Variants in MTRF1 observed in about 807,000 individuals in gnomAD.
The protein encoded by MTRF1 is peptide chain release factor 1, mitochondrial.
In MTRF1, 51 loss-of-function variants were observed where a neutral mutation model predicts 62.9. The ratio of observed to expected loss-of-function variants is 0.81; its 90% CI spans 0.65 to 1.02. The LOEUF (loss-of-function observed/expected upper bound fraction) is 1.02. Ranked by LOEUF, MTRF1 falls within the 50% of genes least tolerant of loss-of-function variation. The pLI is 0.00. For missense variants in MTRF1, 446 were observed against 530.0 expected (o/e 0.84, Z 1.56); for synonymous variants, 158 against 181.9 (o/e 0.87, Z 1.06).
chr13:41,223,492 G>C (rs375197404), intron 8 of MTRF1, 138 bp from the exon 9 acceptor site: 17 of 653,844 alleles, frequency 2.6e-5, no homozygotes, highest in East Asian at 5.4e-5. Flanking sequence ...CAAAGAAAAA[G>C]AATGGGCAGA....
rs774905175 is a variant in MTRF1, at chr13:41,217,223, A to C, written c.1230T>G (p.Phe410Leu). 6.3e-7 allele frequency: 1 copy of C among 1,593,788 alleles called. No individual in the cohort carries two copies. The highest frequency in any genetic ancestry group is 1.7e-5 in the Admixed American group (1 of 58,858). The stretch of plus-strand genomic sequence containing the variant: ...GATCCAGGCCCTTCCCACCACATAA[A>C]AATTCCTGGTAAAAGAGAGAGCTAT... Reference protein sequence around the residue: ...IAYEVRDIKEFLCGGKGLDQL... With the variant: ...IAYEVRDIKELLCGGKGLDQL... Residue 410 changes from phenylalanine to leucine, a missense_variant, in exon 10 of 10, where the codon TTT becomes TTG. Physicochemically the swap from Phe to Leu is conservative, Grantham distance 22. Coordinates refer to ENST00000379480, the MANE Select transcript of MTRF1 (RefSeq NM_004294.4).
intron 1 of MTRF1, chr13:41,262,354 A>AC (rs952151697): frequency 6.6e-6 from 1 of 150,626 alleles, no homozygotes; most frequent in Non-Finnish European, 1.5e-5. Context: ...AAAAAAAAAA[A>AC]AAAGAAACAT....
intron 1 of MTRF1, chr13:41,262,359 A>AAG (rs1566192415): frequency 7.6e-6 from 1 of 132,086 alleles, no homozygotes. Context: ...AAAAAAAAAG[A>AAG]AACATACCAA....
chr13:41,228,813 C>T (rs1437462671), intron 7 of MTRF1, among the ~76,000 whole-genome samples: 2 of 152,046 alleles, frequency 1.3e-5, no homozygotes, highest in African/African-American at 2.4e-5. Flanking sequence ...AAAAAAAATA[C>T]GATTCTTCCA....
rs199717534 is a variant in MTRF1, at chr13:41,218,281, A to AT, written c.1225-1054dup. Among the ~76,000 whole-genome samples, 888 of 117,576 alleles carry AT rather than the reference A, an allele frequency of 7.6e-3. 31 individuals are homozygous for AT. The highest frequency in any genetic ancestry group is 0.026 in the Admixed American group (307 of 11,784). The allele number at this position is 117,576 out of a possible 152,430, so 77.1% of individuals were successfully genotyped here. A position where few individuals can be genotyped will look rare whatever the true frequency, so the allele number is the denominator to read the frequency against. On this transcript the variant is annotated intron_variant, in intron 9 of 9. Transcript: ENST00000379480. ...CAGGCACATGCTACACACCCAGCTA[A>AT]TTTTTTTTTTTTTTTTTTTTTTTTT...
rs2040339480 is a variant in MTRF1, at chr13:41,260,598, T to G, written c.310A>C (p.Arg104=). The part of the protein sequence containing the change: ...QHIPVNEENR[R]SLNRRHAELA... ...TCAGCATGCCTTCTGTTCAAGGACCTTCGGTTTTCCTCATTCACAGGGATA... is the reference window on the plus strand; with the variant it reads ...TCAGCATGCCTTCTGTTCAAGGACCGTCGGTTTTCCTCATTCACAGGGATA... The change falls in exon 2 of 10, where the codon AGG becomes CGG. Residue 104 remains arginine (R), a synonymous_variant. Coordinates refer to ENST00000379480, the MANE Select transcript of MTRF1 (RefSeq NM_004294.4). 8.7e-6 allele frequency: 14 copies of G among 1,614,156 alleles called. No individual in the cohort carries two copies. Among genetic ancestry groups the G allele is most frequent in the Non-Finnish European group, 1.2e-5 (14 of 1,179,992 alleles).
chr13:41,226,684 TTTTAGG>T (rs2138734022), intron 7 of MTRF1, 116 bp from the exon 8 acceptor site: 2 of 1,242,792 alleles, frequency 1.6e-6, no homozygotes, highest in East Asian at 4.7e-5. Flanking sequence ...GATACAAACA[TTTTAGG>T]TTTAGCACAC....
At chr13:41,290,687 T>G in the MTRF1 span, among the ~76,000 whole-genome samples, 1 of 151,376 alleles carries the variant, frequency 6.6e-6, no homozygotes, top group Non-Finnish European at 1.5e-5. Flanking sequence ...GCCACTGTGC[T>G]TGGCCTGTAA....
chr13:41,252,091 G>A (rs1487266026), intron 5 of MTRF1, among the ~76,000 whole-genome samples: 1 of 152,124 alleles, frequency 6.6e-6, no homozygotes, highest in Non-Finnish European at 1.5e-5. Context: ...TGTTGGCCAG[G>A]CTGGTCTCAA....
chr13:41,265,426 A>T (rs1195936784), upstream of MTRF1, among the ~76,000 whole-genome samples: 1 of 152,160 alleles, frequency 6.6e-6, no homozygotes, highest in Non-Finnish European at 1.5e-5. Flanking sequence ...CGTCTCAAAA[A>T]AAAAAAAAAG....
At chr13:41,232,444 A>G (rs1003312965) in intron 7 of MTRF1, among the ~76,000 whole-genome samples, 3 of 152,220 alleles carry the variant, frequency 2.0e-5, no homozygotes, top group Non-Finnish European at 4.4e-5. Context: ...TGAAGAAAGT[A>G]TTTCAGAGCT....
chr13:41,259,196 A>G (rs1301804734), intron 2 of MTRF1, among the ~76,000 whole-genome samples: 8 of 152,200 alleles, frequency 5.3e-5, no homozygotes, highest in Admixed American at 5.2e-4. Context: ...TCACTTTGGA[A>G]AACAGTCTAG....
intron 5 of MTRF1, among the ~76,000 whole-genome samples, chr13:41,249,187 G>T (rs1441592851): frequency 2.0e-5 from 3 of 152,004 alleles, no homozygotes; most frequent in Non-Finnish European, 2.9e-5. Flanking sequence ...TATAAGGTAG[G>T]TGCTTTTTGC....
chr13:41,274,781 A>T, the MTRF1 span, among the ~76,000 whole-genome samples: 1 of 151,954 alleles, frequency 6.6e-6, no homozygotes, highest in Non-Finnish European at 1.5e-5. Context: ...GATTACAGGC[A>T]CGCTCCACCA....
the MTRF1 span, chr13:41,311,549 G>A: frequency 6.2e-7 from 1 of 1,607,996 alleles, no homozygotes; most frequent in Admixed American, 1.7e-5. Context: ...TGCTGCTGCC[G>A]CCCAAGGAGA....
At chr13:41,298,035 T>C in the MTRF1 span, among the ~76,000 whole-genome samples, 1 of 152,226 alleles carries the variant, frequency 6.6e-6, no homozygotes, top group Admixed American at 6.5e-5. Context: ...CCCTTTTTTT[T>C]TGAGAGAAGG....
the MTRF1 span, among the ~76,000 whole-genome samples, chr13:41,268,666 G>T: frequency 6.6e-6 from 1 of 152,146 alleles, no homozygotes. Context: ...AGCTGAAAAT[G>T]AATTGAAGAA....
intron 1 of MTRF1, chr13:41,261,613 T>C (rs2040464780): frequency 5.4e-6 from 1 of 186,354 alleles, no homozygotes; most frequent in East Asian, 1.9e-4. Context: ...AGTCATTTTC[T>C]AAAGTTTGAA....
At chr13:41,300,992 T>G in the MTRF1 span, among the ~76,000 whole-genome samples, 64 of 152,238 alleles carry the variant, frequency 4.2e-4, no homozygotes, top group Admixed American at 3.2e-3. Flanking sequence ...TCTGAGCTAT[T>G]TCTCTTTTTC....
Sources: allele counts gnomAD v4.1 joint callset (sites outside exome capture counted in the v4.1 genomes callset), GRCh38; gene constraint gnomAD v4.1.1; transcripts MANE v1.5; gene names NCBI Gene and HGNC (gene_info 2026-07-23, HGNC 2026-07-21).